The following CADM2 variants were observed in gnomAD, a reference collection of about 807,000 sequenced individuals.
CADM2 encodes the protein cell adhesion molecule 2.
CADM2 carries 12 observed loss-of-function variants against 49.8 expected under a neutral mutation model. That is an observed-to-expected ratio of 0.24 (90% CI 0.15 to 0.39). The LOEUF (loss-of-function observed/expected upper bound fraction) is 0.39. CADM2 is among the 10% of genes least tolerant of loss of function. The probability of loss-of-function intolerance (pLI) is 1.00; values close to 1 mark genes in which losing one functional copy is unlikely to be tolerated. For synonymous variants in CADM2, 214 were observed against 175.4 expected (o/e 1.22, Z -1.74); for missense variants, 378 against 492.3 (o/e 0.77, Z 2.20).
At chr3:85,601,171 T>TAA (rs1213000087) in intron 1 of CADM2, among the ~76,000 whole-genome samples, 3 of 100,140 alleles carry the variant, frequency 3.0e-5, no homozygotes, top group African/African-American at 1.3e-4. Flanking sequence ...TATATATATA[T>TAA]ATACACACAC....
At chr3:85,230,832 T>G (rs181341075) in intron 1 of CADM2, among the ~76,000 whole-genome samples, 1 of 152,300 alleles carries the variant, frequency 6.6e-6, no homozygotes, top group Admixed American at 6.5e-5. Flanking sequence ...TTTTGAACCT[T>G]CTCATTACTG....
intron 1 of CADM2, among the ~76,000 whole-genome samples, chr3:85,450,114 C>T (rs753275565): frequency 1.4e-4 from 21 of 151,966 alleles, no homozygotes; most frequent in African/African-American, 4.6e-4. Flanking sequence ...TCGATGAAAC[C>T]GAAACATCAA....
intron 1 of CADM2, among the ~76,000 whole-genome samples, chr3:85,238,018 CACTT>C (rs983619192): frequency 1.3e-5 from 2 of 151,762 alleles, no homozygotes; most frequent in African/African-American, 2.4e-5. Flanking sequence ...ATAACAATAA[CACTT>C]ACTTGGTAGT....
At chr3:85,242,528 A>G (rs1040307390) in intron 1 of CADM2, among the ~76,000 whole-genome samples, 1 of 151,646 alleles carries the variant, frequency 6.6e-6, no homozygotes, top group African/African-American at 2.4e-5. Context: ...AAATATTCTA[A>G]TTTTCAAATG....
At chr3:85,601,525 T>A (rs2063404421) in intron 1 of CADM2, among the ~76,000 whole-genome samples, 1 of 151,438 alleles carries the variant, frequency 6.6e-6, no homozygotes, top group African/African-American at 2.4e-5. Context: ...GTCATTTAAA[T>A]ACTTCCCATT....
At chr3:85,017,501 A>G (rs924519511) in intron 1 of CADM2, among the ~76,000 whole-genome samples, 1 of 152,176 alleles carries the variant, frequency 6.6e-6, no homozygotes, top group Non-Finnish European at 1.5e-5. Context: ...ATGTTTCTCC[A>G]GTTAAGTTCT....
intron 2 of CADM2, among the ~76,000 whole-genome samples, chr3:85,727,706 C>A (rs1239693309): frequency 1.3e-5 from 2 of 152,130 alleles, no homozygotes; most frequent in African/African-American, 4.8e-5. Flanking sequence ...ACTGCACCAG[C>A]TCCAGGGTAC....
At chr3:85,597,665 C>T (rs1419933107) in intron 1 of CADM2, among the ~76,000 whole-genome samples, 1 of 151,986 alleles carries the variant, frequency 6.6e-6, no homozygotes, top group Non-Finnish European at 1.5e-5. Context: ...TTAGAATGTA[C>T]TATTTTGAAT....
intron 1 of CADM2, among the ~76,000 whole-genome samples, chr3:85,180,114 A>G (rs1305419656): frequency 6.6e-6 from 1 of 152,148 alleles, no homozygotes; most frequent in Non-Finnish European, 1.5e-5. Context: ...TAAAATAAAT[A>G]AGTAAAATAT....
intron 8 of CADM2, among the ~76,000 whole-genome samples, chr3:86,051,391 T>C (rs1737328358): frequency 6.6e-6 from 1 of 152,196 alleles, no homozygotes; most frequent in South Asian, 2.1e-4. Flanking sequence ...TCAGCAAGTC[T>C]ATAGGAAGTT....
chr3:85,325,702 A>G (rs534602722), intron 1 of CADM2, among the ~76,000 whole-genome samples: 100 of 151,896 alleles, frequency 6.6e-4, no homozygotes, highest in African/African-American at 2.3e-3. Context: ...AAAAAAAAAA[A>G]AAAAAAGTGT....
At chr3:85,264,823 A>T (rs1576239018) in intron 1 of CADM2, among the ~76,000 whole-genome samples, 1 of 152,078 alleles carries the variant, frequency 6.6e-6, no homozygotes, top group African/African-American at 2.4e-5. Context: ...CATTGAATGT[A>T]ATTTAATTTT....
chr3:85,239,305 T>C (rs1049784108), intron 1 of CADM2, among the ~76,000 whole-genome samples: 4 of 151,842 alleles, frequency 2.6e-5, no homozygotes, highest in Non-Finnish European at 5.9e-5. Flanking sequence ...ATACTTTAGA[T>C]GGCAGACTGT....
intron 1 of CADM2, among the ~76,000 whole-genome samples, chr3:85,628,590 T>TACATATATATACATAG (rs1457636119): frequency 4.3e-5 from 6 of 139,006 alleles, no homozygotes; most frequent in African/African-American, 1.6e-4. Context: ...CACATATATA[T>TACATATATATACATAG]ACATATATAC....
At chr3:85,502,260 C>T (rs1214130007) in intron 1 of CADM2, among the ~76,000 whole-genome samples, 2 of 152,062 alleles carry the variant, frequency 1.3e-5, no homozygotes, top group African/African-American at 4.8e-5. Context: ...TATCTCTTGC[C>T]ACTTCAGTGA....
At chr3:85,010,490 C>A (rs938811685) in intron 1 of CADM2, among the ~76,000 whole-genome samples, 3 of 152,130 alleles carry the variant, frequency 2.0e-5, no homozygotes. Flanking sequence ...CTATAATATT[C>A]CATAATTCTA....
intron 1 of CADM2, among the ~76,000 whole-genome samples, chr3:85,445,329 T>G (rs1191222781): frequency 2.0e-5 from 3 of 152,154 alleles, no homozygotes; most frequent in Non-Finnish European, 4.4e-5. Context: ...TACATAGTCA[T>G]GAACGTGTAT....
intron 1 of CADM2, among the ~76,000 whole-genome samples, chr3:85,104,609 A>G (rs1427456035): frequency 1.3e-5 from 2 of 152,190 alleles, no homozygotes; most frequent in African/African-American, 4.8e-5. Context: ...CTGTGAAGAA[A>G]GTCATTGGTA....
In CADM2 at chr3:86,068,584, T is replaced by C. The variant is rs1739570374; in HGVS notation, c.*1801T>C. On this transcript the variant is annotated 3_prime_UTR_variant, in exon 10 of 10. Coordinates refer to ENST00000383699, the MANE Select transcript of CADM2 (RefSeq NM_001167675.2). ...AATGAAAGACAAGGGTGCTGTATCTTTGATTATTTATCAAAAAAGTATAAA... is the reference window on the plus strand; with the variant it reads ...AATGAAAGACAAGGGTGCTGTATCTCTGATTATTTATCAAAAAAGTATAAA... 1 of 152,034 alleles carries C rather than the reference T, an allele frequency of 6.6e-6. No individual in the cohort carries two copies. The highest frequency in any genetic ancestry group is 1.5e-5 in the Non-Finnish European group (1 of 67,864). 9.4% of individuals were successfully genotyped at this position (152,034 alleles called of 1,614,324 possible).
Sources: gnomAD v4.1 joint callset for allele counts (sites outside exome capture counted in the v4.1 genomes callset) on GRCh38, gnomAD v4.1.1 for gene constraint, MANE v1.5 for transcripts, NCBI Gene and HGNC (gene_info 2026-07-23, HGNC 2026-07-21) for gene names.